Variants in TMCC3 observed in about 807,000 individuals in gnomAD.
The protein encoded by TMCC3 is transmembrane and coiled-coil domain protein 3.
TMCC3 carries 28 observed loss-of-function variants against 40.2 expected under a neutral mutation model. The ratio of observed to expected loss-of-function variants is 0.70; its 90% CI spans 0.52 to 0.95. TMCC3 has a LOEUF of 0.95. Ranked by LOEUF, TMCC3 falls within the 40% of genes least tolerant of loss-of-function variation. The pLI is 0.00. For missense variants in TMCC3, 554 were observed against 615.2 expected, an observed-to-expected ratio of 0.90 and a Z score of 1.05; for synonymous variants, 255 against 248.5, an observed-to-expected ratio of 1.03 and a Z score of -0.25.
In TMCC3 at chr12:94,635,616, G is replaced by C. The variant is rs115834748; in HGVS notation, c.78+14737C>G. On this transcript the variant is annotated intron_variant, in intron 1 of 3. Transcript: ENST00000261226. ...CTCAGCCTTTTGGTCTTTCCTTACT[G>C]TAAATAATACTGGAGTTATGCCTGT... Among the ~76,000 whole-genome samples, 1,410 of 147,570 alleles carry C rather than the reference G, an allele frequency of 9.6e-3. 34 individuals are homozygous for C. Among genetic ancestry groups the C allele is most frequent in the African/African-American group, 0.034 (1,352 of 39,992 alleles).
chr12:94,633,403 CATTAA>C (rs1302239853), intron 1 of TMCC3, among the ~76,000 whole-genome samples: 1 of 152,116 alleles, frequency 6.6e-6, no homozygotes, highest in Non-Finnish European at 1.5e-5. Context: ...TGTCAACATT[CATTAA>C]ATCTAGGAGG....
chr12:94,620,894 C>T (rs2068872621), intron 1 of TMCC3, among the ~76,000 whole-genome samples: 1 of 152,146 alleles, frequency 6.6e-6, no homozygotes, highest in Non-Finnish European at 1.5e-5. Flanking sequence ...TCCCCTTGTG[C>T]TAAACATGCG....
intron 2 of TMCC3, among the ~76,000 whole-genome samples, chr12:94,579,943 C>T (rs898964783): frequency 2.6e-5 from 4 of 152,166 alleles, no homozygotes; most frequent in African/African-American, 9.7e-5. Context: ...GACGTTCATA[C>T]TCTGGAAAAG....
chr12:94,592,469 G>C (rs1030717824), intron 1 of TMCC3, among the ~76,000 whole-genome samples: 3 of 125,340 alleles, frequency 2.4e-5, no homozygotes, highest in Admixed American at 8.8e-5. Context: ...GTGAAACCCT[G>C]TCTCTACTAA....
chr12:94,602,188 GAGT>G (rs1237544744), intron 1 of TMCC3, among the ~76,000 whole-genome samples: 5 of 152,194 alleles, frequency 3.3e-5, no homozygotes, highest in Admixed American at 2.0e-4. Flanking sequence ...TTCCATTGCT[GAGT>G]CTACTAATCT....
At chr12:94,642,271 G>A (rs2138885965) in intron 1 of TMCC3, among the ~76,000 whole-genome samples, 1 of 152,256 alleles carries the variant, frequency 6.6e-6, no homozygotes, top group African/African-American at 2.4e-5. Flanking sequence ...GTTACAGTCT[G>A]GCTGGTGTCA....
chr12:94,639,668 A>AACAC (rs3073591), intron 1 of TMCC3, among the ~76,000 whole-genome samples: 30,269 of 123,882 alleles, frequency 0.24, 3,815 homozygotes, highest in East Asian at 0.34. Flanking sequence ...CATATATGTA[A>AACAC]ACACACACAC....
At chr12:94,579,589 G>T (rs1253677002) in intron 2 of TMCC3, among the ~76,000 whole-genome samples, 1 of 152,186 alleles carries the variant, frequency 6.6e-6, no homozygotes, top group Non-Finnish European at 1.5e-5. Flanking sequence ...GTTTGGAGAA[G>T]ATGCATTCAT....
intron 1 of TMCC3, among the ~76,000 whole-genome samples, chr12:94,604,223 T>C (rs1469480652): frequency 6.6e-6 from 1 of 152,218 alleles, no homozygotes; most frequent in East Asian, 1.9e-4. Flanking sequence ...TATTACATAA[T>C]AGTCATTTAG....
intron 1 of TMCC3, chr12:94,598,815 A>G: frequency 3.1e-6 from 3 of 962,160 alleles, no homozygotes; most frequent in Non-Finnish European, 3.7e-6. Context: ...GAAACGACAA[A>G]GAAATAAAAC....
intron 1 of TMCC3, among the ~76,000 whole-genome samples, chr12:94,640,587 A>T (rs1052217025): frequency 1.3e-5 from 2 of 152,176 alleles, no homozygotes; most frequent in Non-Finnish European, 2.9e-5. Context: ...TTTTAAGGAG[A>T]TAACTGATTT....
intron 1 of TMCC3, among the ~76,000 whole-genome samples, chr12:94,588,132 C>T (rs571345731): frequency 6.6e-6 from 1 of 152,320 alleles, no homozygotes; most frequent in South Asian, 2.1e-4. Flanking sequence ...GCTCACCTTA[C>T]TCACCGGACA....
intron 1 of TMCC3, among the ~76,000 whole-genome samples, chr12:94,648,160 C>G (rs2069030811): frequency 6.6e-6 from 1 of 152,158 alleles, no homozygotes; most frequent in Non-Finnish European, 1.5e-5. Flanking sequence ...ATTTAAAAAT[C>G]GGGTATCTCC....
At chr12:94,631,448 T>C (rs2068933068) in intron 1 of TMCC3, among the ~76,000 whole-genome samples, 1 of 151,738 alleles carries the variant, frequency 6.6e-6, no homozygotes, top group Non-Finnish European at 1.5e-5. Context: ...GAAGAGAAAA[T>C]CTGGACACAG....
At position 94,605,991 on chromosome 12, in the gene TMCC3, C is replaced by G. The variant is rs184655569; in HGVS notation, c.79-23453G>C. On this transcript the variant is annotated intron_variant, in intron 1 of 3. Transcript: ENST00000261226. ...AAATTATATGTGGAAAAAAAAAATC[C>G]AAATGAGATTAGTAACAGAAAACAA... 1.8e-3 allele frequency among the ~76,000 whole-genome samples: 277 copies of G among 152,030 alleles called. 2 individuals carry two copies. Among genetic ancestry groups the G allele is most frequent in the African/African-American group, 6.6e-3 (273 of 41,454 alleles).
In TMCC3 at chr12:94,582,485, C is replaced by G. The variant is rs202016692; in HGVS notation, c.132G>C (p.Gly44=). 1.2e-6 allele frequency: 2 copies of G among 1,613,728 alleles called. No homozygotes were observed. Among genetic ancestry groups the G allele is most frequent in the Non-Finnish European group, 1.7e-6 (2 of 1,179,988 alleles). ...TLSLPLNIRR[G]GSDTNLNFDV... The stretch of plus-strand genomic sequence containing the variant: ...CAAAGTTGAGGTTGGTGTCTGACCC[C>G]CCTCGGCGTATGTTCAGGGGCAGGC... Residue 44 remains glycine (G), a synonymous_variant, in exon 2 of 4, where the codon GGG becomes GGC. Coordinates refer to ENST00000261226, the MANE Select transcript of TMCC3 (RefSeq NM_020698.4).
At chr12:94,598,511 G>A (rs2068731795) in intron 1 of TMCC3, 3 of 893,916 alleles carry the variant, frequency 3.4e-6, no homozygotes, top group African/African-American at 1.8e-5. Flanking sequence ...CTCAATTTTG[G>A]CATTCATAAG....
At position 94,568,572 on chromosome 12, in the gene TMCC3, G is replaced by C. The variant is rs894442140; in HGVS notation, c.*2863C>G. On this transcript the variant is annotated 3_prime_UTR_variant, in exon 4 of 4. Transcript: ENST00000261226. ...ATATCCAATTCCAGCATATGTTACA[G>C]CTACATCACTATTTTTAATTGTAAT... The C allele has an allele frequency of 1.3e-5, 2 of 152,184 alleles. No individual in the cohort carries two copies. The highest frequency in any genetic ancestry group is 4.8e-5 in the African/African-American group (2 of 41,432). The allele number at this position is 152,184 out of a possible 1,614,324, so 9.4% of individuals were successfully genotyped here.
chr12:94,599,996 C>T (rs1231034026), intron 1 of TMCC3, among the ~76,000 whole-genome samples: 1 of 151,902 alleles, frequency 6.6e-6, no homozygotes, highest in Non-Finnish European at 1.5e-5. Flanking sequence ...TGGAGGCCAG[C>T]CTGGGTAACA....
Sources: allele counts gnomAD v4.1 joint callset (sites outside exome capture counted in the v4.1 genomes callset), GRCh38; gene constraint gnomAD v4.1.1; transcripts MANE v1.5; gene names NCBI Gene and HGNC (gene_info 2026-07-23, HGNC 2026-07-21).